CEP112: variants seen among roughly 807,000 people sequenced by gnomAD.
CEP112 encodes the protein centrosomal protein of 112 kDa.
Under a neutral mutation model 153.0 loss-of-function variants are expected in CEP112, and 127 were observed. The ratio of observed to expected loss-of-function variants is 0.83; its 90% CI spans 0.72 to 0.96. The LOEUF (loss-of-function observed/expected upper bound fraction) is 0.96, where lower values mean the gene tolerates loss of function less well. CEP112 is among the 40% of genes least tolerant of loss of function. The pLI is 0.00. For missense variants in CEP112, 1,089 were observed against 1,101.2 expected, an observed-to-expected ratio of 0.99 and a Z score of 0.16; for synonymous variants, 358 against 374.4, an observed-to-expected ratio of 0.96 and a Z score of 0.51.
chr17:65,827,174 G>A (rs1017872677), intron 21 of CEP112, among the ~76,000 whole-genome samples: 2 of 152,220 alleles, frequency 1.3e-5, no homozygotes, highest in Non-Finnish European at 2.9e-5. Flanking sequence ...ACTGAAGGCT[G>A]CACTGTTGGC....
intron 24 of CEP112, among the ~76,000 whole-genome samples, chr17:65,650,874 T>C (rs1160812706): frequency 6.6e-6 from 1 of 151,802 alleles, no homozygotes; most frequent in Admixed American, 6.6e-5. Context: ...CAAATCCATC[T>C]TTCTAATTCT....
chr17:66,081,108 C>G (rs968956770), intron 8 of CEP112, among the ~76,000 whole-genome samples: 24 of 151,994 alleles, frequency 1.6e-4, no homozygotes, highest in African/African-American at 5.5e-4. Flanking sequence ...AAGTGTATAC[C>G]TATGTAACAA....
intron 23 of CEP112, among the ~76,000 whole-genome samples, chr17:65,734,578 CA>C (rs1301672277): frequency 1.3e-5 from 2 of 151,428 alleles, no homozygotes; most frequent in Non-Finnish European, 1.5e-5. Flanking sequence ...TTTTCCAAAG[CA>C]AAAAAAATTA....
chr17:65,638,197 C>T (rs1001694866), intron 25 of CEP112, among the ~76,000 whole-genome samples: 1 of 152,230 alleles, frequency 6.6e-6, no homozygotes, highest in African/African-American at 2.4e-5. Context: ...TTAGCATATT[C>T]TCTTAAATCA....
At chr17:65,727,049 T>C (rs184734973) in intron 23 of CEP112, among the ~76,000 whole-genome samples, 1 of 152,318 alleles carries the variant, frequency 6.6e-6, no homozygotes, top group Non-Finnish European at 1.5e-5. Context: ...CATTTGAATG[T>C]TGGTAGATAA....
intron 6 of CEP112, among the ~76,000 whole-genome samples, chr17:66,110,508 T>A (rs548081708): frequency 3.9e-5 from 6 of 152,146 alleles, no homozygotes; most frequent in African/African-American, 1.4e-4. Flanking sequence ...AAGGGAATGT[T>A]CAATAAATAG....
In CEP112 at chr17:65,742,996, C is replaced by A. The variant is rs2051220153; in HGVS notation, c.2607+72G>T. On this transcript the variant is annotated intron_variant, in intron 23 of 26. Coordinates refer to ENST00000535342, the MANE Select transcript of CEP112 (RefSeq NM_001199165.4). ...GATACCCGCATTCATCTGCCCACTG[C>A]TGGGATTTCAGCCCTCCTTTTAATT... is the stretch of plus-strand genomic sequence containing the variant. 7 of 1,275,538 alleles carry A rather than the reference C, an allele frequency of 5.5e-6. No homozygotes were observed. In the South Asian group the frequency reaches 6.3e-5, roughly 11 times the overall value. The allele number at this position is 1,275,538 out of a possible 1,614,324, so 79.0% of individuals were successfully genotyped here.
chr17:65,938,386 T>C (rs894849171), intron 18 of CEP112, among the ~76,000 whole-genome samples: 1 of 115,560 alleles, frequency 8.7e-6, no homozygotes, highest in Non-Finnish European at 1.7e-5. Context: ...CAAATCCCCC[T>C]CTGGGAGAAA....
chr17:65,708,138 C>A (rs2049005391), intron 23 of CEP112, among the ~76,000 whole-genome samples: 1 of 151,952 alleles, frequency 6.6e-6, no homozygotes, highest in Admixed American at 6.6e-5. Context: ...TCAAAACTGA[C>A]AACCCCCCGC....
intron 8 of CEP112, among the ~76,000 whole-genome samples, chr17:66,089,355 T>C (rs1014998728): frequency 1.3e-5 from 2 of 151,660 alleles, no homozygotes; most frequent in African/African-American, 4.8e-5. Context: ...GAAATGAAAA[T>C]ATATAAACTG....
chr17:65,849,098 G>A (rs16962895), intron 21 of CEP112, among the ~76,000 whole-genome samples: 2 of 152,124 alleles, frequency 1.3e-5, no homozygotes, highest in African/African-American at 4.8e-5. Flanking sequence ...GGAGACTTTC[G>A]ATGATCCTGA....
chr17:65,835,959 A>G (rs1053172566), intron 21 of CEP112, among the ~76,000 whole-genome samples: 4 of 152,224 alleles, frequency 2.6e-5, no homozygotes, highest in African/African-American at 7.2e-5. Context: ...AGCATCAAAG[A>G]GTCAAAAATG....
chr17:66,121,001 G>A (rs575320270), intron 6 of CEP112, among the ~76,000 whole-genome samples: 18 of 152,178 alleles, frequency 1.2e-4, no homozygotes, highest in South Asian at 4.2e-4. Flanking sequence ...TTTGTTGGCC[G>A]GGTGCAGTGG....
rs559285613 is a variant in CEP112 at position 66,118,310 on chromosome 17, C to T, written c.642+11436G>A. 5.3e-5 allele frequency among the ~76,000 whole-genome samples: 8 copies of T among 152,168 alleles called. No homozygotes were observed. In the South Asian group the frequency reaches 1.5e-3, roughly 28 times the overall value. On this transcript the variant is annotated intron_variant, in intron 6 of 26. Transcript: ENST00000535342. ...CCAAGATATGGAATCAATCTTATTG[C>T]CCATCAAAGGATAAATGGATAAAGA... is the stretch of plus-strand genomic sequence containing the variant.
At chr17:65,936,693 T>C (rs1276769034) in intron 18 of CEP112, among the ~76,000 whole-genome samples, 1 of 152,116 alleles carries the variant, frequency 6.6e-6, no homozygotes, top group Non-Finnish European at 1.5e-5. Flanking sequence ...CACATGATTA[T>C]CTCAATAGAT....
chr17:65,846,817 C>T (rs1441483418), intron 21 of CEP112, among the ~76,000 whole-genome samples: 6 of 152,130 alleles, frequency 3.9e-5, no homozygotes, highest in Admixed American at 3.9e-4. Flanking sequence ...GATTCGCCCG[C>T]CTCGATTATC....
intron 23 of CEP112, among the ~76,000 whole-genome samples, chr17:65,742,506 G>A (rs557468095): frequency 6.6e-6 from 1 of 152,196 alleles, no homozygotes; most frequent in South Asian, 2.1e-4. Flanking sequence ...TGAAAGAATC[G>A]GGGTCCAGAG....
chr17:65,825,613 C>T (rs1459081746), intron 21 of CEP112, among the ~76,000 whole-genome samples: 2 of 152,066 alleles, frequency 1.3e-5, no homozygotes, highest in Non-Finnish European at 2.9e-5. Flanking sequence ...CGAGACGGAT[C>T]GTGGTGATGG....
intron 21 of CEP112, among the ~76,000 whole-genome samples, chr17:65,761,508 T>G (rs2052609174): frequency 6.6e-6 from 1 of 152,164 alleles, no homozygotes; most frequent in East Asian, 1.9e-4. Context: ...TGATTTTAGA[T>G]ATTTCTTCTT....
Sources: allele counts gnomAD v4.1 joint callset (sites outside exome capture counted in the v4.1 genomes callset), GRCh38; gene constraint gnomAD v4.1.1; transcripts MANE v1.5; gene names NCBI Gene and HGNC (gene_info 2026-07-23, HGNC 2026-07-21).